NHSL1: variants seen among roughly 807,000 people sequenced by gnomAD.
NHSL1 encodes NHS like 1, also known as NHS-like protein 1.
A neutral mutation model predicts 95.0 loss-of-function variants in NHSL1; 48 were observed. That is an observed-to-expected ratio of 0.51 (90% confidence interval 0.40 to 0.64). The LOEUF (loss-of-function observed/expected upper bound fraction) is 0.64. Ranked by LOEUF, NHSL1 falls within the 30% of genes least tolerant of loss-of-function variation. NHSL1 has a pLI of 0.00. For synonymous variants in NHSL1, 783 were observed against 833.9 expected (o/e 0.94, Z 1.05); for missense variants, 1,971 against 2,077.7 (o/e 0.95, Z 1.00).
At chr6:138,648,975 T>C (rs1011349235) in intron 1 of NHSL1, among the ~76,000 whole-genome samples, 1 of 152,332 alleles carries the variant, frequency 6.6e-6, no homozygotes, top group African/African-American at 2.4e-5. Flanking sequence ...ACCTTTTTAA[T>C]GTAACTTGTT....
chr6:138,663,486 G>A (rs1301728853), intron 1 of NHSL1, among the ~76,000 whole-genome samples: 2 of 151,494 alleles, frequency 1.3e-5, no homozygotes, highest in Admixed American at 6.6e-5. Flanking sequence ...CTCGAACCCG[G>A]GGGGCAGACG....
chr6:138,666,464 C>A (rs961456351), intron 1 of NHSL1, among the ~76,000 whole-genome samples: 1 of 151,802 alleles, frequency 6.6e-6, no homozygotes, highest in African/African-American at 2.4e-5. Context: ...TGGTGGTGGG[C>A]GCCTATAGTC....
At chr6:138,685,768 T>C (rs1785577691) in intron 1 of NHSL1, among the ~76,000 whole-genome samples, 1 of 152,162 alleles carries the variant, frequency 6.6e-6, no homozygotes. Context: ...AGTTTTTTTT[T>C]TAATCCCTCA....
chr6:138,424,401 G>A lies in NHSL1; in HGVS notation c.4501C>T (p.Arg1501Ter), dbSNP rs773463902. 1.9e-6 allele frequency: 3 copies of A among 1,549,914 alleles called. No homozygotes were observed. The highest frequency in any genetic ancestry group is 2.6e-6 in the Non-Finnish European group (3 of 1,145,960). ...SFSGPRYGRS[R>*]TPPSAASSRY... ...CTGCTGGCGGCAGAAGGCGGCGTTCGGCTGCGGCCGTACCTGGGGCCGGAA... is the reference window on the plus strand; with the variant it reads ...CTGCTGGCGGCAGAAGGCGGCGTTCAGCTGCGGCCGTACCTGGGGCCGGAA... Residue 1501 changes from arginine to a stop codon, truncating the protein, a stop_gained, in exon 8 of 8, where the codon CGA (arginine) becomes TGA (stop). Transcript: ENST00000343505. LOFTEE classifies it low-confidence loss of function (END_TRUNC). The surrounding 1 kb of genome is among the most constrained non-coding windows in gnomAD (Gnocchi z 5.9).
rs1243806643 is a variant in NHSL1 at position 138,692,535 on chromosome 6, C to T, written c.38G>A (p.Arg13His). Residue 13 changes from arginine (R) to histidine (H), a missense_variant, in exon 1 of 4, where the codon CGC becomes CAC. Coordinates refer to the NHSL1 transcript ENST00000491526. This position sits in a 1 kb window ranked among gnomAD's most constrained non-coding sequence, Gnocchi z 4.0. Reference sequence around the variant, plus strand: ...GGCGGCTTGCAGGGCGTCGAGGCGGCGGTGCAGCGCGGCGGTGCGGTGGCC... The same window carrying T: ...GGCGGCTTGCAGGGCGTCGAGGCGGTGGTGCAGCGCGGCGGTGCGGTGGCC... 1.5e-5 allele frequency: 3 copies of T among 198,480 alleles called. No individual in the cohort carries two copies. Among genetic ancestry groups the T allele is most frequent in the South Asian group, 7.3e-5 (1 of 13,644 alleles). 12.3% of individuals were successfully genotyped at this position (198,480 alleles called of 1,614,324 possible). A position where few individuals can be genotyped will look rare whatever the true frequency, so the allele number is the denominator to read the frequency against.
At chr6:138,650,227 G>A (rs934357194) in intron 1 of NHSL1, 2 of 629,754 alleles carry the variant, frequency 3.2e-6, no homozygotes, top group Admixed American at 2.0e-5. Flanking sequence ...GGTTACTCCA[G>A]GGTGAAAGAT....
chr6:138,502,410 C>T (rs9484166), upstream of NHSL1, among the ~76,000 whole-genome samples: 7,120 of 151,752 alleles, frequency 0.047, 459 homozygotes, highest in African/African-American at 0.14. Flanking sequence ...TCAATTTATA[C>T]GTGCAACAGA....
chr6:138,434,678 C>T (rs547260818), intron 5 of NHSL1, among the ~76,000 whole-genome samples: 1 of 152,260 alleles, frequency 6.6e-6, no homozygotes, highest in East Asian at 1.9e-4. Flanking sequence ...CCAACAAGGA[C>T]CCAAAAGTAT....
At chr6:138,640,603 C>T (rs1784947453) in intron 1 of NHSL1, among the ~76,000 whole-genome samples, 1 of 152,088 alleles carries the variant, frequency 6.6e-6, no homozygotes, top group African/African-American at 2.4e-5. Flanking sequence ...ATAACATTTT[C>T]CTTTATCTAG....
intron 1 of NHSL1, among the ~76,000 whole-genome samples, chr6:138,663,874 G>C (rs957617975): frequency 6.6e-6 from 1 of 150,564 alleles, no homozygotes; most frequent in African/African-American, 2.4e-5. Flanking sequence ...CTATCTCAAA[G>C]AAAAAAAATC....
chr6:138,575,871 T>C (rs180831655), upstream of NHSL1, among the ~76,000 whole-genome samples: 66 of 152,328 alleles, frequency 4.3e-4, no homozygotes, highest in East Asian at 7.1e-3. Flanking sequence ...CAGCCCCTCC[T>C]GGCAGCAGGG....
chr6:138,474,425 C>T (rs1778943796), intron 2 of NHSL1, among the ~76,000 whole-genome samples: 1 of 152,064 alleles, frequency 6.6e-6, no homozygotes, highest in Non-Finnish European at 1.5e-5. Context: ...GAGGAGACGG[C>T]AGTCACTTCA....
chr6:138,531,970 T>C (rs1210229327), intron 1 of NHSL1, among the ~76,000 whole-genome samples: 1 of 152,222 alleles, frequency 6.6e-6, no homozygotes, highest in Admixed American at 6.5e-5. Flanking sequence ...TAGGTTCTTA[T>C]TGCCTAGCAC....
chr6:138,440,872 CTA>C (rs1342607390), intron 5 of NHSL1, among the ~76,000 whole-genome samples: 1 of 152,158 alleles, frequency 6.6e-6, no homozygotes, highest in African/African-American at 2.4e-5. Flanking sequence ...CTCTGAGTTT[CTA>C]GAGTGTAACT....
At chr6:138,590,984 T>C (rs1355223163) in intron 1 of NHSL1, among the ~76,000 whole-genome samples, 1 of 152,226 alleles carries the variant, frequency 6.6e-6, no homozygotes, top group Non-Finnish European at 1.5e-5. Flanking sequence ...GTTCTAATCC[T>C]GATTTCAGCA....
chr6:138,583,689 T>C (rs1365491852), intron 1 of NHSL1, among the ~76,000 whole-genome samples: 1 of 152,206 alleles, frequency 6.6e-6, no homozygotes, highest in Admixed American at 6.5e-5. Flanking sequence ...TTCATCGTCA[T>C]GTTCAACTCT....
intron 1 of NHSL1, among the ~76,000 whole-genome samples, chr6:138,633,452 A>G (rs1387209003): frequency 1.3e-5 from 2 of 152,240 alleles, no homozygotes; most frequent in Non-Finnish European, 2.9e-5. Flanking sequence ...AAAAAGAAAC[A>G]GCATACAATG....
intron 1 of NHSL1, among the ~76,000 whole-genome samples, chr6:138,555,870 A>G (rs1470558083): frequency 6.6e-6 from 1 of 152,178 alleles, no homozygotes; most frequent in East Asian, 1.9e-4. Flanking sequence ...GAGGGGACAA[A>G]GGAATGTAAG....
At chr6:138,532,733 C>G (rs978537883) in intron 1 of NHSL1, among the ~76,000 whole-genome samples, 25 of 152,136 alleles carry the variant, frequency 1.6e-4, no homozygotes, top group African/African-American at 5.3e-4. Flanking sequence ...GACTTGGGAT[C>G]AGAAACTCTG....
Sources: allele counts gnomAD v4.1 joint callset (sites outside exome capture counted in the v4.1 genomes callset), GRCh38; gene constraint gnomAD v4.1.1; non-coding constraint Gnocchi (gnomAD v3.1); transcripts MANE v1.5; gene names NCBI Gene and HGNC (gene_info 2026-07-23, HGNC 2026-07-21).